Variants in ADAMTS17 observed in about 807,000 individuals in gnomAD.
ADAMTS17 encodes the protein A disintegrin and metalloproteinase with thrombospondin motifs 17.
ADAMTS17 carries 113 observed loss-of-function variants against 141.5 expected under a neutral mutation model. The observed-to-expected ratio is 0.80, with a 90% CI of 0.69 to 0.93. The LOEUF (loss-of-function observed/expected upper bound fraction) is 0.93, where lower values mean the gene tolerates loss of function less well. Ranked by LOEUF, ADAMTS17 falls within the 40% of genes least tolerant of loss-of-function variation. The pLI, the probability that ADAMTS17 is intolerant of heterozygous loss-of-function variation, is 0.00. For synonymous variants in ADAMTS17, 768 were observed against 630.6 expected (o/e 1.22, Z -3.27); for missense variants, 1,659 against 1,517.9 (o/e 1.09, Z -1.54).
At chr15:100,266,370 C>G (rs990045510) in intron 4 of ADAMTS17, among the ~76,000 whole-genome samples, 1 of 152,254 alleles carries the variant, frequency 6.6e-6, no homozygotes, top group African/African-American at 2.4e-5. Flanking sequence ...GCGCCTGGCC[C>G]GATGGAGCCT....
intron 15 of ADAMTS17, among the ~76,000 whole-genome samples, chr15:100,073,399 C>A (rs1402912868): frequency 1.3e-5 from 2 of 152,242 alleles, no homozygotes; most frequent in Middle Eastern, 3.4e-3. Context: ...CTGACCCAGC[C>A]ATCCCATTAC....
intron 3 of ADAMTS17, among the ~76,000 whole-genome samples, chr15:100,308,241 G>A (rs1013134869): frequency 1.3e-5 from 2 of 152,130 alleles, no homozygotes; most frequent in Admixed American, 6.5e-5. Flanking sequence ...TTGTCAAAAA[G>A]TTATTATAAA....
At chr15:100,111,395 C>T (rs557214771) in intron 13 of ADAMTS17, among the ~76,000 whole-genome samples, 1 of 152,296 alleles carries the variant, frequency 6.6e-6, no homozygotes, top group Non-Finnish European at 1.5e-5. Context: ...GGAAGGACCT[C>T]AGGAGGTGGC....
intron 7 of ADAMTS17, among the ~76,000 whole-genome samples, chr15:100,210,024 G>A (rs182252955): frequency 1.4e-4 from 21 of 152,232 alleles, no homozygotes; most frequent in African/African-American, 5.1e-4. Flanking sequence ...CATGAGGTCA[G>A]GAGATCAAGA....
Position 100,032,565 on chromosome 15 carries a change from A to G in ADAMTS17, c.2591+16292T>C, listed in dbSNP as rs556193983. ...CCAGCTTCCCCTTGATAGCACTCGG[A>G]GTTAAATGCCACTACAGTACTGTCT... On this transcript the variant is annotated intron_variant, in intron 18 of 21. Coordinates refer to ENST00000268070, the MANE Select transcript of ADAMTS17 (RefSeq NM_139057.4). Among the ~76,000 whole-genome samples the G allele has an allele frequency of 2.0e-5, 3 of 152,306 alleles. No homozygotes were observed. In the South Asian group the frequency reaches 6.2e-4, roughly 32 times the overall value.
intron 3 of ADAMTS17, among the ~76,000 whole-genome samples, chr15:100,327,848 A>G (rs997679017): frequency 1.3e-5 from 2 of 152,212 alleles, no homozygotes; most frequent in African/African-American, 4.8e-5. Context: ...AGACCATTAG[A>G]AATGCAACCT....
intron 3 of ADAMTS17, among the ~76,000 whole-genome samples, chr15:100,309,999 C>G (rs1014657501): frequency 2.6e-5 from 4 of 152,168 alleles, no homozygotes; most frequent in Non-Finnish European, 5.9e-5. Context: ...CAATGTGCCC[C>G]GAGGGATGCA....
chr15:100,061,272 T>C (rs1440137224), intron 15 of ADAMTS17, among the ~76,000 whole-genome samples: 2 of 151,976 alleles, frequency 1.3e-5, no homozygotes, highest in Non-Finnish European at 2.9e-5. Flanking sequence ...TCAGAGGAGG[T>C]GGAGACCCTG....
chr15:100,124,253 A>T (rs541887232), intron 12 of ADAMTS17, among the ~76,000 whole-genome samples: 1 of 152,122 alleles, frequency 6.6e-6, no homozygotes, highest in Non-Finnish European at 1.5e-5. Context: ...GGCATGAGCC[A>T]CTCTGCCAGG....
chr15:100,114,968 C>G (rs2037021732), intron 13 of ADAMTS17, among the ~76,000 whole-genome samples: 1 of 152,230 alleles, frequency 6.6e-6, no homozygotes, highest in African/African-American at 2.4e-5. Context: ...GCATTGAAAA[C>G]TGAAGCAGGC....
At chr15:100,068,670 A>G (rs1306940904) in intron 15 of ADAMTS17, among the ~76,000 whole-genome samples, 1 of 152,236 alleles carries the variant, frequency 6.6e-6, no homozygotes, top group African/African-American at 2.4e-5. Context: ...AGCAAAATCC[A>G]ACAGACCTGT....
chr15:100,083,374 T>C (rs1010032186), intron 15 of ADAMTS17, among the ~76,000 whole-genome samples: 1 of 152,336 alleles, frequency 6.6e-6, no homozygotes, highest in East Asian at 1.9e-4. Context: ...TTTGTTTGCT[T>C]GTTTATTTCA....
At chr15:100,218,124 C>A (rs1248232444) in intron 7 of ADAMTS17, among the ~76,000 whole-genome samples, 1 of 152,212 alleles carries the variant, frequency 6.6e-6, no homozygotes, top group Admixed American at 6.5e-5. Context: ...CTGCCCACCT[C>A]AGCCTCCCAA....
chr15:100,309,158 G>A (rs1203227421), intron 3 of ADAMTS17, among the ~76,000 whole-genome samples: 60 of 152,172 alleles, frequency 3.9e-4, no homozygotes, highest in Admixed American at 3.9e-3. Context: ...AGGAGTTCAC[G>A]AAAATCCTGG....
chr15:100,020,740 G>C (rs1350962865), intron 18 of ADAMTS17, among the ~76,000 whole-genome samples: 4 of 152,226 alleles, frequency 2.6e-5, no homozygotes, highest in African/African-American at 9.6e-5. Flanking sequence ...ATCCAGGCTA[G>C]AGCCATGTGG....
intron 10 of ADAMTS17, among the ~76,000 whole-genome samples, chr15:100,140,494 T>C (rs560790991): frequency 1.4e-4 from 21 of 145,488 alleles, no homozygotes; most frequent in African/African-American, 4.0e-4. Context: ...CATACATATA[T>C]ATATATATAT....
chr15:100,251,639 G>A (rs1415757882), intron 7 of ADAMTS17, among the ~76,000 whole-genome samples: 2 of 152,160 alleles, frequency 1.3e-5, no homozygotes, highest in East Asian at 1.9e-4. Flanking sequence ...GCAGGAGAAT[G>A]GCAGAACCCG....
chr15:100,173,598 G>A (rs2040235597), intron 8 of ADAMTS17, among the ~76,000 whole-genome samples: 1 of 152,180 alleles, frequency 6.6e-6, no homozygotes. Context: ...CCACTAAGCT[G>A]AACTTTGGAA....
chr15:100,130,076 A>C (rs1207354935), intron 12 of ADAMTS17, among the ~76,000 whole-genome samples: 1 of 152,108 alleles, frequency 6.6e-6, no homozygotes, highest in Non-Finnish European at 1.5e-5. Context: ...TTAAGAAGTC[A>C]TTCCTGGATT....
Sources: gnomAD v4.1 joint callset for allele counts (sites outside exome capture counted in the v4.1 genomes callset) on GRCh38, gnomAD v4.1.1 for gene constraint, MANE v1.5 for transcripts, NCBI Gene and HGNC (gene_info 2026-07-23, HGNC 2026-07-21) for gene names.